Variants in RBFOX1 observed in about 807,000 individuals in gnomAD.
The protein encoded by RBFOX1 is RNA binding fox-1 homolog 1.
Under a neutral mutation model 57.7 loss-of-function variants are expected in RBFOX1, and 8 were observed. The observed-to-expected ratio is 0.14, with a 90% CI of 0.08 to 0.25. The LOEUF (loss-of-function observed/expected upper bound fraction) is 0.25. Ranked by LOEUF, RBFOX1 falls within the 10% of genes least tolerant of loss-of-function variation. The probability of loss-of-function intolerance (pLI) is 1.00; values close to 1 mark genes in which losing one functional copy is unlikely to be tolerated. For synonymous variants in RBFOX1, 326 were observed against 222.4 expected, an observed-to-expected ratio of 1.47 and a Z score of -4.15; for missense variants, 611 against 548.5, an observed-to-expected ratio of 1.11 and a Z score of -1.14.
At chr16:6,851,154 A>G (rs1209680261) in intron 3 of RBFOX1, among the ~76,000 whole-genome samples, 3 of 152,242 alleles carry the variant, frequency 2.0e-5, no homozygotes, top group African/African-American at 4.8e-5. Context: ...CATTTTGTCC[A>G]GTCTCAGCAA....
intron 4 of RBFOX1, among the ~76,000 whole-genome samples, chr16:7,072,731 C>T (rs144338816): frequency 4.8e-4 from 73 of 152,314 alleles, no homozygotes; most frequent in Non-Finnish European, 7.9e-4. Flanking sequence ...TATGAAGCAT[C>T]ATTTTCAGGC....
chr16:7,279,135 T>TC (rs1568007989), intron 4 of RBFOX1, among the ~76,000 whole-genome samples: 1 of 117,828 alleles, frequency 8.5e-6, no homozygotes, highest in Non-Finnish European at 1.7e-5. Flanking sequence ...TCTTTCTTTC[T>TC]TTTTTTTTTA....
intron 2 of RBFOX1, among the ~76,000 whole-genome samples, chr16:5,556,930 T>G (rs2045700151): frequency 6.6e-6 from 1 of 152,206 alleles, no homozygotes; most frequent in South Asian, 2.1e-4. Context: ...TCAGCTTTGC[T>G]GAAGCTAGAA....
chr16:5,762,600 C>T (rs1039838263), intron 3 of RBFOX1, among the ~76,000 whole-genome samples: 2 of 152,166 alleles, frequency 1.3e-5, no homozygotes, highest in African/African-American at 2.4e-5. Context: ...GCAAACTTAG[C>T]CGCAGAAGGC....
At chr16:6,789,512 C>G (rs553781319) in intron 3 of RBFOX1, among the ~76,000 whole-genome samples, 19 of 152,128 alleles carry the variant, frequency 1.2e-4, no homozygotes, top group South Asian at 4.1e-4. Flanking sequence ...CAGTTATTAC[C>G]TATGCTGGTT....
intron 2 of RBFOX1, among the ~76,000 whole-genome samples, chr16:6,448,849 G>T (rs2094537836): frequency 6.6e-6 from 1 of 152,052 alleles, no homozygotes; most frequent in African/African-American, 2.4e-5. Context: ...TTTTTGTACT[G>T]GTTCTAGACA....
intron 2 of RBFOX1, among the ~76,000 whole-genome samples, chr16:6,584,680 T>C (rs2097582447): frequency 6.6e-6 from 1 of 151,996 alleles, no homozygotes; most frequent in African/African-American, 2.4e-5. Flanking sequence ...GTGTTTTCTT[T>C]TAAAATACAG....
chr16:7,623,162 G>A lies in RBFOX1; in HGVS notation c.677-7441G>A, dbSNP rs144848223. 1.6e-3 allele frequency among the ~76,000 whole-genome samples: 236 copies of A among 152,254 alleles called. 2 individuals carry two copies. Among genetic ancestry groups the A allele is most frequent in the African/African-American group, 5.1e-3 (212 of 41,548 alleles). ...GTAGTAGTTGGCTAGTGCTGCCATA[G>A]CAAAGTATCACAGACTGGATGGCTT... is the stretch of plus-strand genomic sequence containing the variant. On this transcript the variant is annotated intron_variant, in intron 10 of 15. Transcript: ENST00000550418.
intron 4 of RBFOX1, among the ~76,000 whole-genome samples, chr16:7,096,989 T>C (rs907287868): frequency 8.3e-6 from 1 of 119,988 alleles, no homozygotes; most frequent in African/African-American, 3.1e-5. Context: ...TCCCAGGAAA[T>C]ATTAAAGAGC....
chr16:5,523,570 A>G (rs543027121), intron 2 of RBFOX1, among the ~76,000 whole-genome samples: 1 of 152,320 alleles, frequency 6.6e-6, no homozygotes, highest in African/African-American at 2.4e-5. Flanking sequence ...TGAGCCACGA[A>G]CATGCCGCTG....
intron 1 of RBFOX1, among the ~76,000 whole-genome samples, chr16:5,256,252 G>A (rs1567241788): frequency 6.6e-6 from 1 of 152,316 alleles, no homozygotes; most frequent in Non-Finnish European, 1.5e-5. Flanking sequence ...CAGACAGGAT[G>A]TGACCGAGTT....
intron 11 of RBFOX1, among the ~76,000 whole-genome samples, chr16:7,639,545 C>A (rs2062398397): frequency 1.3e-5 from 2 of 152,126 alleles, no homozygotes; most frequent in Admixed American, 6.5e-5. Flanking sequence ...TGTGAAGATA[C>A]TCTCAAGTTG....
chr16:5,476,926 T>C (rs2069345416), intron 2 of RBFOX1, among the ~76,000 whole-genome samples: 1 of 152,248 alleles, frequency 6.6e-6, no homozygotes, highest in Non-Finnish European at 1.5e-5. Context: ...CATCTAGCCA[T>C]GATAGCACAT....
intron 3 of RBFOX1, among the ~76,000 whole-genome samples, chr16:5,705,801 C>T (rs779409511): frequency 8.5e-5 from 13 of 152,198 alleles, no homozygotes; most frequent in Non-Finnish European, 1.8e-4. Context: ...TGTGCGAGGC[C>T]TCTTGGCTTT....
chr16:7,507,900 A>T (rs1190249239), intron 4 of RBFOX1, among the ~76,000 whole-genome samples: 1 of 150,702 alleles, frequency 6.6e-6, no homozygotes, highest in Non-Finnish European at 1.5e-5. Context: ...TAAGGAGCTC[A>T]TGCTCCACTG....
chr16:7,096,242 G>T (rs1383134280), intron 4 of RBFOX1, among the ~76,000 whole-genome samples: 2 of 152,166 alleles, frequency 1.3e-5, no homozygotes, highest in Non-Finnish European at 2.9e-5. Flanking sequence ...ACTCATGGTT[G>T]CAGAGCTAAG....
At chr16:7,360,223 A>G (rs769287990) in intron 4 of RBFOX1, among the ~76,000 whole-genome samples, 2 of 152,296 alleles carry the variant, frequency 1.3e-5, no homozygotes, top group East Asian at 1.9e-4. Context: ...TTGTAATTAC[A>G]TTTAATAAAC....
Position 7,136,505 on chromosome 16 carries a change from A to G in RBFOX1, c.27+84407A>G, listed in dbSNP as rs562835395. On this transcript the variant is annotated intron_variant, in intron 4 of 15. Transcript: ENST00000550418. The stretch of plus-strand genomic sequence containing the variant: ...CAATACAGCCTTAAACTCCTGGGCT[A>G]AAGTGATTTTCTAACCTCATCCGCT... Among the ~76,000 whole-genome samples the G allele has an allele frequency of 8.9e-4, 133 of 149,960 alleles. 1 individual carries two copies. Among genetic ancestry groups the G allele is most frequent in the Middle Eastern group, 3.4e-3 (1 of 292 alleles).
Position 5,841,989 on chromosome 16 carries a change from C to T in RBFOX1, c.319-25314C>T, listed in dbSNP as rs531612287. ...GCTGCCATCCTCGCCCAGAGGCACA[C>T]CACGCCCCATCCTCATCCTCCTCTC... is the stretch of plus-strand genomic sequence containing the variant. On this transcript the variant is annotated intron_variant, in intron 3 of 19. Transcript: ENST00000641259. Among the ~76,000 whole-genome samples, 3 of 152,334 alleles carry T rather than the reference C, an allele frequency of 2.0e-5. No homozygotes were observed. The South Asian group carries it at 6.2e-4, about 32-fold the overall frequency.
Sources: gnomAD v4.1 joint callset for allele counts (sites outside exome capture counted in the v4.1 genomes callset) on GRCh38, gnomAD v4.1.1 for gene constraint, MANE v1.5 for transcripts, NCBI Gene and HGNC (gene_info 2026-07-23, HGNC 2026-07-21) for gene names.